HSD17B12: variants seen among roughly 807,000 people sequenced by gnomAD.
HSD17B12 encodes hydroxysteroid 17-beta dehydrogenase 12.
Under a neutral mutation model 39.3 loss-of-function variants are expected in HSD17B12, and 32 were observed. That is an observed-to-expected ratio of 0.81 (90% CI 0.61 to 1.09). The LOEUF (loss-of-function observed/expected upper bound fraction) is 1.09. Ranked by LOEUF, HSD17B12 falls within the 50% of genes least tolerant of loss-of-function variation. HSD17B12 has a pLI of 0.00. For missense variants in HSD17B12, 342 were observed against 382.9 expected, an observed-to-expected ratio of 0.89 and a Z score of 0.89; for synonymous variants, 150 against 146.7, an observed-to-expected ratio of 1.02 and a Z score of -0.16.
chr11:43,653,308 T>C, the HSD17B12 span, among the ~76,000 whole-genome samples: 1 of 152,176 alleles, frequency 6.6e-6, no homozygotes, highest in Non-Finnish European at 1.5e-5. Flanking sequence ...TTGAAATTAC[T>C]CATAAACCTA....
the HSD17B12 span, among the ~76,000 whole-genome samples, chr11:43,592,367 A>G: frequency 2.6e-5 from 4 of 152,170 alleles, no homozygotes; most frequent in Admixed American, 2.0e-4. Context: ...TTGAGAATTA[A>G]TAAAGTTTAT....
chr11:43,646,461 G>A, the HSD17B12 span: 7 of 152,176 alleles, frequency 4.6e-5, no homozygotes, highest in African/African-American at 1.7e-4. Flanking sequence ...TTGTATCTTA[G>A]GAAGACCGGA....
chr11:43,757,709 G>GCA (rs1451411702), intron 3 of HSD17B12, among the ~76,000 whole-genome samples: 27 of 106,542 alleles, frequency 2.5e-4, no homozygotes, highest in African/African-American at 9.8e-4. Context: ...ACCAAAAAAA[G>GCA]CACACACAAA....
intron 3 of HSD17B12, among the ~76,000 whole-genome samples, chr11:43,784,280 A>G (rs1487160483): frequency 6.7e-6 from 1 of 150,322 alleles, no homozygotes; most frequent in African/African-American, 2.4e-5. Flanking sequence ...AGATAACACA[A>G]GTAGTTTAGG....
chr11:43,581,549 A>C, the HSD17B12 span: 1 of 435,622 alleles, frequency 2.3e-6, no homozygotes, highest in South Asian at 1.6e-5. This position sits in a 1 kb window ranked among gnomAD's most constrained non-coding sequence, Gnocchi z 4.9. Context: ...AAGCTGCTCC[A>C]TCCGAGCCTT....
At chr11:43,754,339 G>T (rs1435678216) in intron 3 of HSD17B12, among the ~76,000 whole-genome samples, 1 of 152,170 alleles carries the variant, frequency 6.6e-6, no homozygotes, top group Non-Finnish European at 1.5e-5. Context: ...TTGGGAGGCT[G>T]AGGCGGGTGG....
intron 1 of HSD17B12, among the ~76,000 whole-genome samples, chr11:43,691,512 T>C (rs905395496): frequency 6.6e-6 from 1 of 152,212 alleles, no homozygotes; most frequent in African/African-American, 2.4e-5. Flanking sequence ...TTGCTGAATC[T>C]ACCACTACAG....
At chr11:43,664,305 T>G in the HSD17B12 span, among the ~76,000 whole-genome samples, 1 of 152,180 alleles carries the variant, frequency 6.6e-6, no homozygotes, top group Non-Finnish European at 1.5e-5. Context: ...CATTTGCAGT[T>G]TGAGTAAGGG....
At chr11:43,761,154 G>A (rs1200632947) in intron 3 of HSD17B12, among the ~76,000 whole-genome samples, 1 of 152,182 alleles carries the variant, frequency 6.6e-6, no homozygotes, top group Non-Finnish European at 1.5e-5. Context: ...TTACTAGTGG[G>A]CTTGTCATGC....
intron 1 of HSD17B12, among the ~76,000 whole-genome samples, chr11:43,690,404 A>ATATATTTTTTTTT (rs1554959942): frequency 8.0e-5 from 2 of 24,960 alleles, no homozygotes; most frequent in Non-Finnish European, 1.4e-4. Context: ...ATATATATAT[A>ATATATTTTTTTTT]TTTTTTTTTT....
intron 3 of HSD17B12, chr11:43,755,686 C>T (rs1159310477): frequency 6.6e-6 from 1 of 152,188 alleles, no homozygotes; most frequent in African/African-American, 2.4e-5. Context: ...ATTATTTATT[C>T]ATTCTCTCAC....
the HSD17B12 span, among the ~76,000 whole-genome samples, chr11:43,643,922 G>A: frequency 6.6e-6 from 1 of 152,148 alleles, no homozygotes; most frequent in African/African-American, 2.4e-5. Flanking sequence ...TTTTCAAATG[G>A]GAAGCATTTG....
intron 9 of HSD17B12, among the ~76,000 whole-genome samples, chr11:43,843,760 C>G (rs1022715307): frequency 3.3e-5 from 5 of 152,184 alleles, no homozygotes; most frequent in Non-Finnish European, 7.3e-5. Context: ...CTCTCAGCTC[C>G]TTGGCACATT....
At chr11:43,789,864 C>T (rs1265412973) in intron 3 of HSD17B12, among the ~76,000 whole-genome samples, 4 of 152,050 alleles carry the variant, frequency 2.6e-5, no homozygotes, top group Admixed American at 2.0e-4. Context: ...CCCAGAAGGT[C>T]CAAGCTGCAA....
chr11:43,779,919 C>T (rs574050042), intron 3 of HSD17B12, among the ~76,000 whole-genome samples: 1 of 152,188 alleles, frequency 6.6e-6, no homozygotes, highest in Admixed American at 6.5e-5. Context: ...ATAAAGAAAA[C>T]TTGGTTTCTT....
the HSD17B12 span, among the ~76,000 whole-genome samples, chr11:43,667,447 A>C: frequency 1.3e-5 from 2 of 152,068 alleles, no homozygotes; most frequent in Non-Finnish European, 2.9e-5. Flanking sequence ...ACCTAGCCTG[A>C]GTTTATTTTT....
the HSD17B12 span, chr11:43,673,492 C>CTTTTCTT: frequency 0.019 from 1,571 of 83,892 alleles, 72 homozygotes; most frequent in Non-Finnish European, 0.024. Context: ...CTTTTCTTTT[C>CTTTTCTT]TTTTTTTTTT....
At chr11:43,574,025 CACAT>C in the HSD17B12 span, among the ~76,000 whole-genome samples, 2 of 152,214 alleles carry the variant, frequency 1.3e-5, no homozygotes, top group African/African-American at 2.4e-5. Context: ...GCAACATTCT[CACAT>C]GCATGCATGT....
chr11:43,570,946 A>G, the HSD17B12 span, among the ~76,000 whole-genome samples: 6 of 152,244 alleles, frequency 3.9e-5, no homozygotes, highest in Non-Finnish European at 5.9e-5. Context: ...TCCAATAAGT[A>G]CAAAAAATCT....
Sources: gnomAD v4.1 joint callset for allele counts (sites outside exome capture counted in the v4.1 genomes callset) on GRCh38, gnomAD v4.1.1 for gene constraint, Gnocchi (gnomAD v3.1) non-coding constraint, MANE v1.5 for transcripts, NCBI Gene and HGNC (gene_info 2026-07-23, HGNC 2026-07-21) for gene names.